AGO4: variants seen among roughly 807,000 people sequenced by gnomAD.
The protein encoded by AGO4 is argonaute RISC component 4, also known as protein argonaute-4.
Under a neutral mutation model 104.7 loss-of-function variants are expected in AGO4, and 33 were observed. The observed-to-expected ratio is 0.32, with a 90% CI of 0.24 to 0.42. AGO4 has a LOEUF of 0.42. Among genes scored for constraint, AGO4 ranks in the 10% least tolerant of loss-of-function variants. The pLI is 1.00. For missense variants in AGO4, 711 were observed against 1,083.4 expected (o/e 0.66, Z 4.83); for synonymous variants, 331 against 364.7 (o/e 0.91, Z 1.05).
At chr1:35,816,855 A>G in intron 1 of AGO4, 27 bp from the exon 2 acceptor site, 6 of 1,508,456 alleles carry the variant, frequency 4.0e-6, no homozygotes, top group Non-Finnish European at 4.4e-6. Context: ...AAAAAATAGC[A>G]CAGCAAATGT....
At chr1:35,831,377 A>G (rs1282573806) in intron 7 of AGO4, 50 bp from the exon 8 acceptor site, 2 of 1,547,552 alleles carry the variant, frequency 1.3e-6, no homozygotes, top group African/African-American at 1.4e-5. Flanking sequence ...GAAAAAGAAG[A>G]AAAGAAAGAA....
At chr1:35,826,626 C>G (rs1198094421) in intron 6 of AGO4, 122 bp from the exon 7 acceptor site, 1 of 859,194 alleles carries the variant, frequency 1.2e-6, no homozygotes, top group East Asian at 2.6e-5. Flanking sequence ...ATGAAATTGT[C>G]CCCATATTCT....
In AGO4 at chr1:35,825,738, G is replaced by A; in HGVS notation, c.548G>A (p.Gly183Glu). Residue 183 changes from glycine to glutamate, a missense_variant, in exon 5 of 18, where the codon GGA becomes GAA. Physicochemically the swap from Gly to Glu is moderately conservative, Grantham distance 98 (BLOSUM62 -2). Coordinates refer to ENST00000373210, the MANE Select transcript of AGO4 (RefSeq NM_017629.4). ...CCGGAAGGTTACTACCACCCTCTGG[G>A]AGGGGGCAGGGAGGTCTGGTTTGGT... The part of the protein sequence containing the change: ...SPPEGYYHPL[G>E]GGREVWFGFH... The A allele has an allele frequency of 6.3e-7, 1 of 1,593,602 alleles. No homozygotes were observed. Among genetic ancestry groups the A allele is most frequent in the Non-Finnish European group, 8.5e-7 (1 of 1,172,908 alleles).
At chr1:35,822,731 C>T in intron 2 of AGO4, 131 bp from the exon 3 acceptor site, 2 of 1,133,720 alleles carry the variant, frequency 1.8e-6, no homozygotes, top group East Asian at 5.1e-5. Flanking sequence ...GTACTCGAAT[C>T]AATTGTAACC....
At chr1:35,828,863 G>A (rs1197754745) in intron 7 of AGO4, among the ~76,000 whole-genome samples, 1 of 152,120 alleles carries the variant, frequency 6.6e-6, no homozygotes, top group Non-Finnish European at 1.5e-5. Context: ...GTGCCTCAGT[G>A]AGACACTATA....
intron 7 of AGO4, 51 bp from the exon 8 acceptor site, chr1:35,831,376 G>A (rs1383035028): frequency 6.5e-7 from 1 of 1,542,418 alleles, no homozygotes; most frequent in East Asian, 2.3e-5. Flanking sequence ...AGAAAAAGAA[G>A]AAAAGAAAGA....
chr1:35,857,878 T>A lies in AGO4; in HGVS notation c.*4273T>A, dbSNP rs887423744. The A allele has an allele frequency of 6.6e-6, 1 of 152,322 alleles. No individual in the cohort carries two copies. The highest frequency in any genetic ancestry group is 1.5e-5 in the Non-Finnish European group (1 of 68,030). 9.4% of individuals were successfully genotyped at this position (152,322 alleles called of 1,614,324 possible). ...TGTCAATTAAAACTAAAATAAAACT[T>A]TTAAAAAAGAAATTTCTATTTGAGA... is the stretch of plus-strand genomic sequence containing the variant. On this transcript the variant is annotated 3_prime_UTR_variant, in exon 18 of 18. Coordinates refer to ENST00000373210, the MANE Select transcript of AGO4 (RefSeq NM_017629.4).
chr1:35,824,015 T>A (rs1643949058), intron 3 of AGO4, among the ~76,000 whole-genome samples: 1 of 152,198 alleles, frequency 6.6e-6, no homozygotes, highest in Non-Finnish European at 1.5e-5. Context: ...ATTTCTCACA[T>A]TAACCATGTA....
In AGO4 at chr1:35,826,864, A is replaced by G. The variant is rs1644033721; in HGVS notation, c.848+29A>G. The G allele has an allele frequency of 5.6e-6, 9 of 1,602,656 alleles. No homozygotes were observed. In the East Asian group the frequency reaches 2.0e-4, roughly 36 times the overall value. ...TGTTAACCACATCTAAAGTAATACA[A>G]TTACATTTTTAGTAACAGAGGGAGC... On this transcript the variant is annotated intron_variant, in intron 7 of 17. Transcript: ENST00000373210.
intron 11 of AGO4, 96 bp from the exon 12 acceptor site, chr1:35,833,894 A>G: frequency 1.7e-6 from 2 of 1,144,484 alleles, no homozygotes; most frequent in Non-Finnish European, 2.3e-6. Context: ...TTTGGCTAAG[A>G]ATTTACAAAA....
chr1:35,822,738 A>G (rs1291182709), intron 2 of AGO4, 124 bp from the exon 3 acceptor site: 7 of 1,230,402 alleles, frequency 5.7e-6, no homozygotes, highest in Admixed American at 2.3e-5. Flanking sequence ...AATCAATTGT[A>G]ACCTTAACTC....
chr1:35,843,424 A>T (rs1029946728), intron 15 of AGO4, among the ~76,000 whole-genome samples: 1 of 152,158 alleles, frequency 6.6e-6, no homozygotes, highest in African/African-American at 2.4e-5. Context: ...CCCCAGATCC[A>T]ATCAGCTTAG....
At chr1:35,846,912 G>A (rs1644585459) in intron 15 of AGO4, among the ~76,000 whole-genome samples, 1 of 152,042 alleles carries the variant, frequency 6.6e-6, no homozygotes, top group Non-Finnish European at 1.5e-5. Context: ...GCAAGGCGTG[G>A]TGGTGCATAC....
intron 2 of AGO4, among the ~76,000 whole-genome samples, chr1:35,818,193 T>C (rs1643773136): frequency 6.6e-6 from 1 of 152,136 alleles, no homozygotes; most frequent in Non-Finnish European, 1.5e-5. Context: ...TATGTAGATA[T>C]ACACACACGT....
intron 6 of AGO4, 46 bp downstream of exon 6, chr1:35,826,106 C>A: frequency 1.9e-6 from 3 of 1,604,138 alleles, no homozygotes; most frequent in Non-Finnish European, 2.5e-6. Flanking sequence ...GCTCAGCATG[C>A]TGCACGTTGC....
chr1:35,835,663 G>T (rs970958801), intron 12 of AGO4, among the ~76,000 whole-genome samples, 171 bp from the exon 13 acceptor site: 1 of 152,060 alleles, frequency 6.6e-6, no homozygotes, highest in African/African-American at 2.4e-5. Flanking sequence ...AACACAGGGG[G>T]AAAAATTGCC....
Position 35,834,061 on chromosome 1 carries a change from G to C in AGO4, c.1451G>C (p.Cys484Ser), listed in dbSNP as rs1321723789. ...GMPIQGQPCFCKYAQGADSVE... is the reference protein window; with the variant it reads ...GMPIQGQPCFSKYAQGADSVE... ...CCCATCCAGGGTCAGCCATGTTTCT[G>C]CAAGTATGCACAAGGTGCAGACAGT... The change falls in exon 12 of 18, where the codon TGC (cysteine) becomes TCC (serine). Residue 484 changes from cysteine to serine, a missense_variant. Cys to Ser is a moderately radical substitution (Grantham distance 112). Coordinates refer to ENST00000373210, the MANE Select transcript of AGO4 (RefSeq NM_017629.4). 6.2e-7 allele frequency: 1 copy of C among 1,611,226 alleles called. No individual in the cohort carries two copies. Among genetic ancestry groups the C allele is most frequent in the Non-Finnish European group, 8.5e-7 (1 of 1,178,660 alleles).
At chr1:35,833,066 G>T (rs977201433) in intron 11 of AGO4, among the ~76,000 whole-genome samples, 6 of 152,032 alleles carry the variant, frequency 3.9e-5, no homozygotes, top group African/African-American at 1.4e-4. Context: ...GGATCATGGG[G>T]TCAGGAGATC....
chr1:35,821,095 C>T (rs1269202145), intron 2 of AGO4, among the ~76,000 whole-genome samples: 2 of 152,076 alleles, frequency 1.3e-5, no homozygotes, highest in Non-Finnish European at 2.9e-5. Context: ...GGACCATAAT[C>T]ATTTTCCTAT....
Sources: gnomAD v4.1 joint callset for allele counts (sites outside exome capture counted in the v4.1 genomes callset) on GRCh38, gnomAD v4.1.1 for gene constraint, MANE v1.5 for transcripts, NCBI Gene and HGNC (gene_info 2026-07-23, HGNC 2026-07-21) for gene names.